Variants in ASTN1 observed in about 807,000 individuals in gnomAD.
The protein encoded by ASTN1 is astrotactin 1.
A neutral mutation model predicts 140.7 loss-of-function variants in ASTN1; 41 were observed. The ratio of observed to expected loss-of-function variants is 0.29; its 90% confidence interval spans 0.23 to 0.38. ASTN1 has a LOEUF of 0.38. Among genes scored for constraint, ASTN1 ranks in the 10% least tolerant of loss-of-function variants. The probability of loss-of-function intolerance (pLI) is 1.00; values close to 1 mark genes in which losing one functional copy is unlikely to be tolerated. For missense variants in ASTN1, 1,479 were observed against 1,678.8 expected (o/e 0.88, Z 2.08); for synonymous variants, 640 against 652.2 (o/e 0.98, Z 0.29).
chr1:176,901,081 T>G (rs1450230421), intron 16 of ASTN1, among the ~76,000 whole-genome samples: 1 of 152,192 alleles, frequency 6.6e-6, no homozygotes, highest in South Asian at 2.1e-4. Flanking sequence ...TGGGTTTAAA[T>G]TCGTCTGGGG....
chr1:177,047,467 A>T lies in ASTN1; in HGVS notation c.471+13611T>A, dbSNP rs149943420. On this transcript the variant is annotated intron_variant, in intron 2 of 22. Coordinates refer to ENST00000361833, the MANE Select transcript of ASTN1 (RefSeq NM_004319.3). ...GGCATGAAAGGTTTAACACCCTGGA[A>T]GTTAGCCTTCTGAATGGAGGAACCT... is the stretch of plus-strand genomic sequence containing the variant. Among the ~76,000 whole-genome samples, 882 of 152,320 alleles carry T rather than the reference A, an allele frequency of 5.8e-3. 4 individuals carry two copies. The highest frequency in any genetic ancestry group is 0.011 in the Non-Finnish European group (732 of 68,016).
chr1:177,126,884 T>C (rs1235895087), intron 1 of ASTN1, among the ~76,000 whole-genome samples: 1 of 152,206 alleles, frequency 6.6e-6, no homozygotes, highest in Non-Finnish European at 1.5e-5. Context: ...AAAGGTTCAT[T>C]GATGATCCAG....
chr1:176,969,913 A>G (rs563188244), intron 8 of ASTN1, among the ~76,000 whole-genome samples: 1 of 152,328 alleles, frequency 6.6e-6, no homozygotes, highest in East Asian at 1.9e-4. Flanking sequence ...CAGGCACATC[A>G]CAGGAAGCAC....
chr1:176,986,690 C>A (rs1485166465), intron 8 of ASTN1, among the ~76,000 whole-genome samples: 1 of 152,088 alleles, frequency 6.6e-6, no homozygotes, highest in African/African-American at 2.4e-5. Context: ...CACTTATGAG[C>A]TGAGAAATCT....
At chr1:177,122,069 G>A (rs184039336) in intron 1 of ASTN1, among the ~76,000 whole-genome samples, 58 of 152,236 alleles carry the variant, frequency 3.8e-4, no homozygotes, top group Admixed American at 7.8e-4. Context: ...GAGCACTTTG[G>A]GGTTATTGGG....
intron 1 of ASTN1, among the ~76,000 whole-genome samples, chr1:177,084,738 T>A (rs975021221): frequency 6.6e-6 from 1 of 152,146 alleles, no homozygotes; most frequent in Non-Finnish European, 1.5e-5. Context: ...TCTAAAATAA[T>A]GATAAAAGTA....
At chr1:177,148,872 A>G (rs533827134) in intron 1 of ASTN1, among the ~76,000 whole-genome samples, 2 of 151,688 alleles carry the variant, frequency 1.3e-5, no homozygotes, top group Non-Finnish European at 1.5e-5. Flanking sequence ...GAATGGGGAG[A>G]CTGATAGGAT....
chr1:176,891,552 C>T (rs778914288), intron 17 of ASTN1, among the ~76,000 whole-genome samples: 1 of 152,120 alleles, frequency 6.6e-6, no homozygotes, highest in Non-Finnish European at 1.5e-5. Flanking sequence ...CCAACACTTT[C>T]GGAGGTCGAG....
At chr1:177,090,287 C>A (rs1352072660) in intron 1 of ASTN1, among the ~76,000 whole-genome samples, 2 of 151,744 alleles carry the variant, frequency 1.3e-5, no homozygotes, top group Admixed American at 6.6e-5. Context: ...TCTGTCTTCC[C>A]TAATTTGAAA....
At position 176,888,123 on chromosome 1, in the gene ASTN1, T is replaced by C. The variant is rs1669113502; in HGVS notation, c.3022A>G (p.Thr1008Ala). The C allele has an allele frequency of 1.2e-6, 2 of 1,614,026 alleles. No individual in the cohort carries two copies. The highest frequency in any genetic ancestry group is 1.1e-5 in the South Asian group (1 of 91,088). Residue 1008 changes from threonine to alanine, a missense_variant, in exon 18 of 23, where the codon ACT becomes GCT. Transcript: ENST00000361833. ...VIEDWCRCDS[T>A]AFGADGLPTC... The stretch of plus-strand genomic sequence containing the variant: ...GGGAGTCCATCAGCTCCAAAAGCAG[T>C]GGAGTCACATCGACACCAGTCCTCG...
At chr1:176,980,862 A>G (rs1443499848) in intron 8 of ASTN1, among the ~76,000 whole-genome samples, 5 of 152,162 alleles carry the variant, frequency 3.3e-5, no homozygotes, top group Non-Finnish European at 2.9e-5. Context: ...TTCTCCTTTC[A>G]TTCAATCAGC....
chr1:177,104,151 A>G (rs1050458909), intron 1 of ASTN1, among the ~76,000 whole-genome samples: 27 of 152,034 alleles, frequency 1.8e-4, no homozygotes, highest in African/African-American at 5.3e-4. Context: ...CATGGCAGCC[A>G]TCCTGGGCAA....
At chr1:176,965,111 G>T in intron 9 of ASTN1, 52 bp downstream of exon 9, 1 of 1,545,752 alleles carries the variant, frequency 6.5e-7, no homozygotes, top group Non-Finnish European at 8.9e-7. Flanking sequence ...CGGGGGAAGC[G>T]GAACACAGGG....
At chr1:177,047,454 T>G (rs897130883) in intron 2 of ASTN1, among the ~76,000 whole-genome samples, 3 of 152,110 alleles carry the variant, frequency 2.0e-5, no homozygotes, top group Non-Finnish European at 2.9e-5. Context: ...CATGAAAGGT[T>G]TAACACCCTG....
At chr1:177,139,686 T>C (rs1335223587) in intron 1 of ASTN1, among the ~76,000 whole-genome samples, 1 of 152,174 alleles carries the variant, frequency 6.6e-6, no homozygotes, top group Non-Finnish European at 1.5e-5. Context: ...ACTCAAAGTG[T>C]TCATAACTCC....
At chr1:176,915,112 A>T (rs1670425004) in intron 16 of ASTN1, among the ~76,000 whole-genome samples, 1 of 152,216 alleles carries the variant, frequency 6.6e-6, no homozygotes, top group Admixed American at 6.5e-5. Context: ...ACCCAAGGAA[A>T]AAATATAGCA....
intron 2 of ASTN1, among the ~76,000 whole-genome samples, chr1:177,046,211 G>A (rs1054634806): frequency 6.6e-6 from 1 of 152,150 alleles, no homozygotes; most frequent in Non-Finnish European, 1.5e-5. Flanking sequence ...GGCACCAGCT[G>A]TAACTCCAAT....
intron 1 of ASTN1, among the ~76,000 whole-genome samples, chr1:177,072,355 A>G (rs1003969716): frequency 3.9e-5 from 6 of 152,174 alleles, no homozygotes; most frequent in Non-Finnish European, 7.3e-5. Context: ...CTGAAGAATC[A>G]CATCTGCATA....
rs192212967 is a variant in ASTN1 at position 177,047,638 on chromosome 1, G to A, written c.471+13440C>T. ...ATGGAAACCACCGTATCAGTCCAGT[G>A]AGAGGTGAGGGGGGTCTGCACTCAT... On this transcript the variant is annotated intron_variant, in intron 2 of 22. Transcript: ENST00000361833. 1.7e-3 allele frequency among the ~76,000 whole-genome samples: 263 copies of A among 152,294 alleles called. 1 individual carries two copies. Among genetic ancestry groups the A allele is most frequent in the African/African-American group, 5.9e-3 (244 of 41,552 alleles).
Sources: allele counts gnomAD v4.1 joint callset (sites outside exome capture counted in the v4.1 genomes callset), GRCh38; gene constraint gnomAD v4.1.1; transcripts MANE v1.5; gene names NCBI Gene and HGNC (gene_info 2026-07-23, HGNC 2026-07-21).